Variants in NR3C2 observed in about 807,000 individuals in gnomAD.
The protein encoded by NR3C2 is mineralocorticoid receptor.
Under a neutral mutation model 86.4 loss-of-function variants are expected in NR3C2, and 15 were observed. That is an observed-to-expected ratio of 0.17 (90% CI 0.12 to 0.27). The LOEUF (loss-of-function observed/expected upper bound fraction) is 0.27, where lower values mean the gene tolerates loss of function less well. NR3C2 is among the 10% of genes least tolerant of loss of function. The probability of loss-of-function intolerance (pLI) is 1.00; values close to 1 mark genes in which losing one functional copy is unlikely to be tolerated. For missense variants in NR3C2, 960 were observed against 1,195.6 expected, an observed-to-expected ratio of 0.80 and a Z score of 2.91; for synonymous variants, 458 against 450.5, an observed-to-expected ratio of 1.02 and a Z score of -0.21.
intron 2 of NR3C2, among the ~76,000 whole-genome samples, chr4:148,333,042 G>C (rs1456558637): frequency 1.3e-5 from 2 of 152,024 alleles, no homozygotes; most frequent in Admixed American, 6.5e-5. Flanking sequence ...AAGGTGGGCA[G>C]ATTGCTGGAA....
intron 2 of NR3C2, among the ~76,000 whole-genome samples, chr4:148,330,249 T>C (rs2149967061): frequency 6.6e-6 from 1 of 152,300 alleles, no homozygotes; most frequent in Middle Eastern, 3.4e-3. Flanking sequence ...CAGGTTGGAA[T>C]TCATTCTCAA....
At chr4:148,443,968 A>G (rs929739135), upstream of NR3C2, 6 of 982,470 alleles carry the variant, frequency 6.1e-6, no homozygotes. Context: ...CCCAGACTCT[A>G]ATGCCCCTCG....
intron 2 of NR3C2, among the ~76,000 whole-genome samples, chr4:148,275,519 C>T (rs1016769651): frequency 2.6e-5 from 4 of 151,978 alleles, no homozygotes; most frequent in African/African-American, 9.7e-5. Context: ...CAATCTCCAC[C>T]TCCCAGTTTC....
At chr4:148,254,630 A>G (rs1426223558) in intron 3 of NR3C2, among the ~76,000 whole-genome samples, 1 of 152,246 alleles carries the variant, frequency 6.6e-6, no homozygotes, top group Non-Finnish European at 1.5e-5. Flanking sequence ...AATCATAGAT[A>G]TAACCTACTG....
intron 5 of NR3C2, 91 bp from the exon 6 acceptor site, chr4:148,152,704 C>T (rs1303837518): frequency 8.1e-7 from 1 of 1,234,814 alleles, no homozygotes; most frequent in African/African-American, 1.5e-5. Context: ...AAACAGCCAC[C>T]TTTCTTTCAC....
intron 2 of NR3C2, among the ~76,000 whole-genome samples, chr4:148,323,735 G>A (rs1029912801): frequency 6.6e-5 from 10 of 152,034 alleles, no homozygotes; most frequent in Non-Finnish European, 1.0e-4. Flanking sequence ...GCCCTGCTTC[G>A]GCTCGCACAC....
chr4:148,252,810 C>G (rs1026583490), intron 3 of NR3C2, among the ~76,000 whole-genome samples: 1 of 152,096 alleles, frequency 6.6e-6, no homozygotes, highest in Non-Finnish European at 1.5e-5. Flanking sequence ...ATCTTCCCTT[C>G]CTGTTGTTTT....
intron 2 of NR3C2, among the ~76,000 whole-genome samples, chr4:148,402,726 T>C (rs746234306): frequency 1.9e-4 from 29 of 152,226 alleles, no homozygotes; most frequent in Non-Finnish European, 2.4e-4. Context: ...ATAAATATTA[T>C]ATGAGGCAAG....
chr4:148,435,780 T>G lies in NR3C2; in HGVS notation c.1081A>C (p.Ser361Arg). 3.1e-6 allele frequency: 5 copies of G among 1,614,182 alleles called. No homozygotes were observed. Among genetic ancestry groups the G allele is most frequent in the Non-Finnish European group, 4.2e-6 (5 of 1,180,028 alleles). ...GCACCTTTCTCCTGCGTGTCTGGAC[T>G]GGGAACCACATCCCGCAATGTACTG... ...GSSTLRDVVP[S>R]PDTQEKGAQE... The change falls in exon 2 of 9, where the codon AGT becomes CGT. Residue 361 changes from serine to arginine, a missense_variant. This residue lies in a region of NR3C2 where 680 missense variants were observed against 719.0 expected (regional missense o/e 0.95). Transcript: ENST00000358102.
At chr4:148,383,032 T>G (rs2126453905) in intron 2 of NR3C2, among the ~76,000 whole-genome samples, 1 of 152,268 alleles carries the variant, frequency 6.6e-6, no homozygotes, top group South Asian at 2.1e-4. Flanking sequence ...TAATTTATCC[T>G]TAGTGTAAAT....
rs888907835 is a variant in NR3C2, at chr4:148,241,810, T to A, written c.1897+18168A>T. Among the ~76,000 whole-genome samples the A allele has an allele frequency of 2.0e-5, 3 of 152,222 alleles. No individual in the cohort carries two copies. In the East Asian group the frequency reaches 5.8e-4, roughly 29 times the overall value. Reference sequence around the variant, plus strand: ...ATATTCAACAAATATTTCATGATTATGTGAATAAATGGATGCTATGAAAAT... The same window carrying A: ...ATATTCAACAAATATTTCATGATTAAGTGAATAAATGGATGCTATGAAAAT... On this transcript the variant is annotated intron_variant, in intron 3 of 8. Coordinates refer to ENST00000358102, the MANE Select transcript of NR3C2 (RefSeq NM_000901.5).
At chr4:148,303,265 C>G (rs1049672849) in intron 2 of NR3C2, among the ~76,000 whole-genome samples, 5 of 152,126 alleles carry the variant, frequency 3.3e-5, no homozygotes, top group African/African-American at 9.7e-5. Flanking sequence ...CTGCTTATTC[C>G]TGTGAACCAA....
At chr4:148,296,065 A>G (rs949140040) in intron 2 of NR3C2, among the ~76,000 whole-genome samples, 4 of 151,210 alleles carry the variant, frequency 2.6e-5, no homozygotes, top group South Asian at 2.1e-4. Flanking sequence ...AAAAAAAAAA[A>G]AGAGAGAATG....
chr4:148,128,525 G>A lies in NR3C2; in HGVS notation c.2511-8237C>T, dbSNP rs530223459. Among the ~76,000 whole-genome samples the A allele has an allele frequency of 1.2e-4, 18 of 152,254 alleles. No individual in the cohort carries two copies. In the South Asian group the frequency reaches 2.3e-3, roughly 19 times the overall value. ...TAAGTTTGAGTCTAAACACCTTCAC[G>A]GACACTTCATGCGGTGGCCATCCAC... On this transcript the variant is annotated intron_variant, in intron 6 of 8. Transcript: ENST00000358102.
chr4:148,388,694 ATTGT>A (rs1747391838), intron 2 of NR3C2, among the ~76,000 whole-genome samples: 1 of 152,214 alleles, frequency 6.6e-6, no homozygotes, highest in Admixed American at 6.5e-5. Context: ...ATTTCTTAAA[ATTGT>A]TTATCACTTA....
upstream of NR3C2, among the ~76,000 whole-genome samples, chr4:148,443,222 C>CAAAAAAAAAAAAAAAAAAAAA (rs59506438): frequency 2.4e-5 from 1 of 40,976 alleles, no homozygotes; most frequent in Non-Finnish European, 3.9e-5. Flanking sequence ...CCCCTAACAC[C>CAAAAAAAAAAAAAAAAAAAAA]AAAAAAAAAA....
At chr4:148,242,117 T>TG (rs1220773860) in intron 3 of NR3C2, among the ~76,000 whole-genome samples, 4 of 152,162 alleles carry the variant, frequency 2.6e-5, no homozygotes, top group Admixed American at 1.3e-4. Context: ...GTTCTGGAGA[T>TG]GGATGGTGGT....
At position 148,408,871 on chromosome 4, in the gene NR3C2, GT is replaced by G. The variant is rs370379787; in HGVS notation, c.1757+26232del. Among the ~76,000 whole-genome samples, 216 of 151,972 alleles carry G rather than the reference GT, an allele frequency of 1.4e-3. 7 individuals are homozygous for G. In the East Asian group the frequency reaches 0.04, roughly 28 times the overall value. ...TGCTTATATATTGTTCTATATCCTG[GT>G]TTTTTTCACTCAGTATTATAAGAAA... On this transcript the variant is annotated intron_variant, in intron 2 of 8. Transcript: ENST00000358102.
intron 4 of NR3C2, among the ~76,000 whole-genome samples, chr4:148,187,412 G>A (rs772176041): frequency 6.6e-6 from 1 of 151,962 alleles, no homozygotes; most frequent in Non-Finnish European, 1.5e-5. Flanking sequence ...CAGGAGTGAG[G>A]TGGTATTGCA....
Sources: gnomAD v4.1 joint callset for allele counts (sites outside exome capture counted in the v4.1 genomes callset) on GRCh38, gnomAD v4.1.1 for gene constraint, gnomAD v4.1.1 regional missense constraint, MANE v1.5 for transcripts, NCBI Gene and HGNC (gene_info 2026-07-23, HGNC 2026-07-21) for gene names.